The following MYO3A variants were observed in gnomAD, a reference collection of about 807,000 sequenced individuals.
MYO3A encodes the protein myosin-IIIa.
A neutral mutation model predicts 192.7 loss-of-function variants in MYO3A; 180 were observed. That is an observed-to-expected ratio of 0.93 (90% confidence interval 0.83 to 1.06). The LOEUF (loss-of-function observed/expected upper bound fraction) is 1.06, where lower values mean the gene tolerates loss of function less well. Ranked by LOEUF, MYO3A falls within the 50% of genes least tolerant of loss-of-function variation. The pLI is 0.00. For missense variants in MYO3A, 1,896 were observed against 1,905.0 expected (o/e 1.00, Z 0.09); for synonymous variants, 628 against 645.3 (o/e 0.97, Z 0.41).
intron 4 of MYO3A, among the ~76,000 whole-genome samples, chr10:25,978,665 A>G (rs139251899): frequency 6.6e-6 from 1 of 152,306 alleles, no homozygotes; most frequent in East Asian, 1.9e-4. Context: ...AATATAAATA[A>G]GAATATAAGA....
intron 10 of MYO3A, among the ~76,000 whole-genome samples, chr10:26,066,686 A>G (rs367812773): frequency 6.6e-6 from 1 of 152,258 alleles, no homozygotes; most frequent in Non-Finnish European, 1.5e-5. Flanking sequence ...AACAGATTCA[A>G]TCACACAGAA....
intron 30 of MYO3A, among the ~76,000 whole-genome samples, chr10:26,175,785 G>A (rs762708700): frequency 2.6e-5 from 4 of 152,212 alleles, no homozygotes; most frequent in Admixed American, 2.6e-4. Flanking sequence ...GACATGAGAT[G>A]TAGAATTACC....
chr10:25,947,961 G>T (rs1836965317), intron 2 of MYO3A, among the ~76,000 whole-genome samples: 1 of 152,180 alleles, frequency 6.6e-6, no homozygotes, highest in South Asian at 2.1e-4. Context: ...GTTAGGAAGT[G>T]ATAAGTGTTA....
intron 7 of MYO3A, 95 bp downstream of exon 7, chr10:26,016,991 T>C: frequency 1.6e-6 from 2 of 1,288,956 alleles, no homozygotes; most frequent in East Asian, 2.3e-5. Context: ...TTTTGGAATA[T>C]AACAGAAGAA....
chr10:26,153,814 C>A, intron 23 of MYO3A, 36 bp from the exon 24 acceptor site: 1 of 1,344,564 alleles, frequency 7.4e-7, no homozygotes, highest in South Asian at 1.2e-5. Context: ...ATTAAGGATT[C>A]TAAAAGGTAT....
intron 18 of MYO3A, 103 bp downstream of exon 18, chr10:26,120,905 A>C: frequency 2.1e-6 from 3 of 1,439,286 alleles, no homozygotes; most frequent in Non-Finnish European, 2.9e-6. Flanking sequence ...CTAACCTAGA[A>C]TCCTTAAAAG....
intron 31 of MYO3A, among the ~76,000 whole-genome samples, chr10:26,191,765 T>C (rs1309653349): frequency 6.6e-6 from 1 of 152,232 alleles, no homozygotes; most frequent in Non-Finnish European, 1.5e-5. Flanking sequence ...TCACCCTCGG[T>C]TGAAGCTGAT....
chr10:26,118,390 A>G (rs1217458547), intron 17 of MYO3A, among the ~76,000 whole-genome samples: 2 of 151,454 alleles, frequency 1.3e-5, no homozygotes, highest in Admixed American at 6.6e-5. Flanking sequence ...GTATTGTTAC[A>G]CTTCTGAAAT....
rs1554820112 is a variant in MYO3A, at chr10:26,077,238, T to TTTTTTTTTTTTG, written c.1359+6848_1359+6849insGTTTTTTTTTTT. Reference sequence around the variant, plus strand: ...TGGTTAGGTATATTCCTAAGGTTTTTTTTTTTTTTTTTTTTTTGCAGCTGT... The same window carrying TTTTTTTTTTTTG: ...TGGTTAGGTATATTCCTAAGGTTTTTTTTTTTTTTTTGTTTTTTTTTTTTTTTTTGCAGCTGT... On this transcript the variant is annotated intron_variant, in intron 14 of 34. Coordinates refer to ENST00000642920, the MANE Select transcript of MYO3A (RefSeq NM_017433.5). 7.4e-4 allele frequency among the ~76,000 whole-genome samples: 103 copies of TTTTTTTTTTTTG among 139,162 alleles called. 3 individuals carry two copies. The highest frequency in any genetic ancestry group is 1.3e-3 in the Non-Finnish European group (84 of 64,588). The allele number at this position is 139,162 out of a possible 152,430, so 91.3% of individuals were successfully genotyped here. A position where few individuals can be genotyped will look rare whatever the true frequency, so the allele number is the denominator to read the frequency against.
At chr10:26,122,346 T>C (rs2131711603) in intron 18 of MYO3A, among the ~76,000 whole-genome samples, 2 of 152,302 alleles carry the variant, frequency 1.3e-5, no homozygotes, top group Admixed American at 1.3e-4. Context: ...TCATGGAAAG[T>C]AGAAACTTTA....
At chr10:26,028,786 C>T (rs1048910885) in intron 10 of MYO3A, among the ~76,000 whole-genome samples, 1 of 152,138 alleles carries the variant, frequency 6.6e-6, no homozygotes, top group Non-Finnish European at 1.5e-5. Context: ...TTTATGTTCA[C>T]ATTGGTTCTC....
At chr10:26,131,053 A>C (rs1156400881) in intron 20 of MYO3A, among the ~76,000 whole-genome samples, 1 of 152,218 alleles carries the variant, frequency 6.6e-6, no homozygotes, top group Non-Finnish European at 1.5e-5. Context: ...TCTTACTTTC[A>C]TGAGACTTAC....
At chr10:26,142,544 A>C (rs1232932557) in intron 20 of MYO3A, among the ~76,000 whole-genome samples, 1 of 152,210 alleles carries the variant, frequency 6.6e-6, no homozygotes, top group African/African-American at 2.4e-5. Context: ...TCAACAGCAA[A>C]TTATTATTAA....
chr10:25,944,273 T>A (rs1403362556), intron 2 of MYO3A, among the ~76,000 whole-genome samples: 2 of 152,078 alleles, frequency 1.3e-5, no homozygotes, highest in African/African-American at 4.8e-5. Flanking sequence ...GTATGATCCT[T>A]TTAATATGCT....
intron 8 of MYO3A, 200 bp downstream of exon 8, chr10:26,021,848 T>G: frequency 1.5e-6 from 1 of 651,874 alleles, no homozygotes; most frequent in East Asian, 2.9e-5. Flanking sequence ...GTAAAAGAGC[T>G]TTCTCTTGAT....
At chr10:26,094,370 T>A (rs1836877539) in intron 15 of MYO3A, among the ~76,000 whole-genome samples, 2 of 151,934 alleles carry the variant, frequency 1.3e-5, no homozygotes, top group Admixed American at 1.3e-4. Flanking sequence ...ATATCTGAGT[T>A]ACTGTTGATT....
intron 6 of MYO3A, among the ~76,000 whole-genome samples, chr10:26,008,012 G>T (rs1056231299): frequency 6.6e-6 from 1 of 151,250 alleles, no homozygotes; most frequent in African/African-American, 2.5e-5. Context: ...CGAAAACAGC[G>T]TGGTACTGGT....
Position 25,971,669 on chromosome 10 carries a change from C to G in MYO3A, c.303+16661C>G, listed in dbSNP as rs747893088. 5.9e-5 allele frequency among the ~76,000 whole-genome samples: 9 copies of G among 152,182 alleles called. No homozygotes were observed. The East Asian group carries it at 1.5e-3, about 26-fold the overall frequency. Reference sequence around the variant, plus strand: ...TTAGCACCTTGAATATGTCATCTCTCTGCCTTCTGGCCTACATAGTTCTAA... The same window carrying G: ...TTAGCACCTTGAATATGTCATCTCTGTGCCTTCTGGCCTACATAGTTCTAA... On this transcript the variant is annotated intron_variant, in intron 4 of 34. Transcript: ENST00000642920.
intron 20 of MYO3A, among the ~76,000 whole-genome samples, chr10:26,138,690 A>G (rs1839988480): frequency 2.6e-5 from 4 of 152,216 alleles, no homozygotes; most frequent in Non-Finnish European, 5.9e-5. Context: ...GAGCAAGCTG[A>G]CAAGGAAGGA....
Sources: allele counts gnomAD v4.1 joint callset (sites outside exome capture counted in the v4.1 genomes callset), GRCh38; gene constraint gnomAD v4.1.1; transcripts MANE v1.5; gene names NCBI Gene and HGNC (gene_info 2026-07-23, HGNC 2026-07-21).